CDK7: variants seen among roughly 807,000 people sequenced by gnomAD.
The protein encoded by CDK7 is cyclin-dependent kinase 7.
CDK7 carries 25 observed loss-of-function variants against 49.1 expected under a neutral mutation model. That is an observed-to-expected ratio of 0.51 (90% confidence interval 0.37 to 0.71). The LOEUF (loss-of-function observed/expected upper bound fraction) is 0.71. CDK7 is among the 30% of genes least tolerant of loss of function. The pLI is 0.00. For missense variants in CDK7, 316 were observed against 411.7 expected (o/e 0.77, Z 2.01); for synonymous variants, 107 against 140.0 (o/e 0.76, Z 1.67).
At chr5:69,242,875 G>C (rs956046002) in intron 2 of CDK7, among the ~76,000 whole-genome samples, 2 of 152,100 alleles carry the variant, frequency 1.3e-5, no homozygotes, top group Non-Finnish European at 2.9e-5. Context: ...GGGAAACCCT[G>C]TCTCTACTAA....
chr5:69,243,071 G>A (rs1358041114), intron 2 of CDK7, among the ~76,000 whole-genome samples: 2 of 152,120 alleles, frequency 1.3e-5, no homozygotes, highest in East Asian at 1.9e-4. Flanking sequence ...GATGGAGTCA[G>A]CTATATCACG....
At chr5:69,261,304 G>C (rs1402161703) in intron 7 of CDK7, among the ~76,000 whole-genome samples, 1 of 152,168 alleles carries the variant, frequency 6.6e-6, no homozygotes, top group African/African-American at 2.4e-5. Context: ...ATTGTTAACA[G>C]AGCTTTCTCA....
At chr5:69,240,039 C>T (rs1341665078) in intron 2 of CDK7, among the ~76,000 whole-genome samples, 1 of 151,988 alleles carries the variant, frequency 6.6e-6, no homozygotes, top group East Asian at 1.9e-4. Context: ...CTTCAGTTGT[C>T]CCAGTACTAT....
chr5:69,274,824 G>A (rs140415468), intron 10 of CDK7, among the ~76,000 whole-genome samples: 251 of 152,096 alleles, frequency 1.7e-3, no homozygotes, highest in African/African-American at 5.3e-3. Flanking sequence ...CCATGTTATC[G>A]AGGCTGATCT....
intron 4 of CDK7, among the ~76,000 whole-genome samples, chr5:69,255,021 T>C (rs1275222844): frequency 1.3e-5 from 2 of 152,196 alleles, no homozygotes; most frequent in Non-Finnish European, 2.9e-5. Context: ...CCCTGCCTCA[T>C]AGGGAAGTTG....
At chr5:69,262,825 G>T (rs774567255) in intron 8 of CDK7, among the ~76,000 whole-genome samples, 1 of 152,086 alleles carries the variant, frequency 6.6e-6, no homozygotes, top group African/African-American at 2.4e-5. Flanking sequence ...AGGACAATAA[G>T]AACTTTACTG....
chr5:69,273,276 G>T lies in CDK7; in HGVS notation c.864+235G>T, dbSNP rs139421553. Among the ~76,000 whole-genome samples the T allele has an allele frequency of 7.0e-4, 107 of 151,968 alleles. 2 individuals carry two copies. The highest frequency in any genetic ancestry group is 1.7e-3 in the Admixed American group (26 of 15,234). On this transcript the variant is annotated intron_variant, in intron 10 of 11. Coordinates refer to ENST00000256443, the MANE Select transcript of CDK7 (RefSeq NM_001799.4). ...AGTTTACACTTATTACACTTGCTTAGGGACATTTAAATACATGTCTATTTC... is the reference window on the plus strand; with the variant it reads ...AGTTTACACTTATTACACTTGCTTATGGACATTTAAATACATGTCTATTTC...
At position 69,235,380 on chromosome 5, in the gene CDK7, A is replaced by G. The variant is rs1195669655; in HGVS notation, c.67-14A>G. ...ACTCCCATAAACTTATGTTATTTCT[A>G]TTTTTCTTTCTAGTTTGCCACCGTT... On this transcript the variant is annotated splice_polypyrimidine_tract_variant and intron_variant, in intron 1 of 11. Transcript: ENST00000256443. The G allele has an allele frequency of 8.3e-6, 13 of 1,568,156 alleles. No homozygotes were observed. The highest frequency in any genetic ancestry group is 1.7e-4 in the Middle Eastern group (1 of 5,998).
chr5:69,267,159 T>G (rs1308402173), intron 8 of CDK7, among the ~76,000 whole-genome samples: 1 of 152,136 alleles, frequency 6.6e-6, no homozygotes, highest in Non-Finnish European at 1.5e-5. Context: ...CTATCTATAC[T>G]CATCAACCAG....
At chr5:69,259,686 A>G in intron 6 of CDK7, 132 bp from the exon 7 acceptor site, 2 of 643,362 alleles carry the variant, frequency 3.1e-6, no homozygotes, top group South Asian at 2.0e-5. Flanking sequence ...TATCAGTGGG[A>G]AAAAAATTGA....
chr5:69,254,650 G>A lies in CDK7; in HGVS notation c.209G>A (p.Ser70Asn). 1 of 1,538,248 alleles carries A rather than the reference G, an allele frequency of 6.5e-7. No homozygotes were observed. The highest frequency in any genetic ancestry group is 9.0e-7 in the Non-Finnish European group (1 of 1,111,284). ...LREIKLLQEL[S>N]HPNIIGLLDA... is the part of the protein sequence containing the mutation. ...GAGATAAAATTATTACAGGAGCTAA[G>A]TCATCCAAATATAATTGGTGTGAGT... Residue 70 changes from serine (S) to asparagine (N), a missense_variant, in exon 4 of 12, where the codon AGT becomes AAT. By Grantham distance (46) the Ser-to-Asn change is conservative. Coordinates refer to ENST00000256443, the MANE Select transcript of CDK7 (RefSeq NM_001799.4).
At chr5:69,270,410 G>C (rs553791710) in intron 9 of CDK7, among the ~76,000 whole-genome samples, 2 of 152,170 alleles carry the variant, frequency 1.3e-5, no homozygotes, top group Admixed American at 1.3e-4. Context: ...GCACCACTGC[G>C]CTTTACCAGC....
intron 8 of CDK7, among the ~76,000 whole-genome samples, chr5:69,262,934 G>GT (rs913837226): frequency 6.6e-6 from 1 of 152,060 alleles, no homozygotes; most frequent in South Asian, 2.1e-4. Context: ...CCTCCTGAGG[G>GT]TTTTTTTGTT....
At chr5:69,235,885 A>G (rs1033109198) in intron 2 of CDK7, among the ~76,000 whole-genome samples, 1 of 152,242 alleles carries the variant, frequency 6.6e-6, no homozygotes, top group Non-Finnish European at 1.5e-5. Flanking sequence ...TGAGTTCAGT[A>G]GCTTCTTATA....
In CDK7 at chr5:69,267,037, C is replaced by T. The variant is rs1485417924; in HGVS notation, c.628-2170C>T. On this transcript the variant is annotated intron_variant, in intron 8 of 11. Coordinates refer to ENST00000256443, the MANE Select transcript of CDK7 (RefSeq NM_001799.4). ...GTTCATGTATTTAATACAAATAAGA[C>T]ATTTTAAACACACAGCTTAAGTCCC... Among the ~76,000 whole-genome samples the T allele has an allele frequency of 4.6e-5, 7 of 152,220 alleles. No homozygotes were observed. The East Asian group carries it at 1.3e-3, about 29-fold the overall frequency.
At position 69,264,988 on chromosome 5, in the gene CDK7, G is replaced by C. The variant is rs2932792; in HGVS notation, c.627+2684G>C. Among the ~76,000 whole-genome samples, 1,573 of 151,308 alleles carry C rather than the reference G, an allele frequency of 0.01. 112 individuals carry two copies. In the East Asian group the frequency reaches 0.2, roughly 19 times the overall value. On this transcript the variant is annotated intron_variant, in intron 8 of 11. Coordinates refer to ENST00000256443, the MANE Select transcript of CDK7 (RefSeq NM_001799.4). ...TTCCGTCTAAAAAAAAAAAGGCCAGGCACGGTGGCTCACGCCTGCAATCCC... is the reference window on the plus strand; with the variant it reads ...TTCCGTCTAAAAAAAAAAAGGCCAGCCACGGTGGCTCACGCCTGCAATCCC...
rs181108473 is a variant in CDK7 at position 69,252,706 on chromosome 5, G to A, written c.160+255G>A. ...TTATTTTTTGTAGAGATGAGGTCTG[G>A]CTGTGTTGCTCAGGCTTCTCTCAAA... On this transcript the variant is annotated intron_variant, in intron 3 of 11. Coordinates refer to ENST00000256443, the MANE Select transcript of CDK7 (RefSeq NM_001799.4). Among the ~76,000 whole-genome samples the A allele has an allele frequency of 1.1e-4, 17 of 151,940 alleles. No homozygotes were observed. The East Asian group carries it at 3.1e-3, about 28-fold the overall frequency.
intron 1 of CDK7, 92 bp downstream of exon 1, chr5:69,235,133 T>C: frequency 8.1e-7 from 1 of 1,234,868 alleles, no homozygotes; most frequent in Non-Finnish European, 1.2e-6. Context: ...GCCAGAGGTC[T>C]GGCTTGGCTG....
rs1001593166 is a variant in CDK7, at chr5:69,264,254, C to CT, written c.627+1956dup. On this transcript the variant is annotated intron_variant, in intron 8 of 11. Coordinates refer to ENST00000256443, the MANE Select transcript of CDK7 (RefSeq NM_001799.4). The stretch of plus-strand genomic sequence containing the variant: ...GCATCTATAGAATAAGCACACCATA[C>CT]TTTTTTAAAAGGGGAACAATAAAAT... Among the ~76,000 whole-genome samples, 41 of 152,172 alleles carry CT rather than the reference C, an allele frequency of 2.7e-4. 1 individual carries two copies. The highest frequency in any genetic ancestry group is 9.6e-4 in the African/African-American group (40 of 41,498).
Sources: gnomAD v4.1 joint callset for allele counts (sites outside exome capture counted in the v4.1 genomes callset) on GRCh38, gnomAD v4.1.1 for gene constraint, MANE v1.5 for transcripts, NCBI Gene and HGNC (gene_info 2026-07-23, HGNC 2026-07-21) for gene names.